The following CNNM4 variants were observed in gnomAD, a reference collection of about 807,000 sequenced individuals.
The protein encoded by CNNM4 is metal transporter CNNM4.
A neutral mutation model predicts 53.7 loss-of-function variants in CNNM4; 32 were observed. That is an observed-to-expected ratio of 0.60 (90% confidence interval 0.45 to 0.80). The LOEUF (loss-of-function observed/expected upper bound fraction) is 0.80. Ranked by LOEUF, CNNM4 falls within the 30% of genes least tolerant of loss-of-function variation. CNNM4 has a pLI of 0.00. For synonymous variants in CNNM4, 410 were observed against 440.0 expected, an observed-to-expected ratio of 0.93 and a Z score of 0.85; for missense variants, 784 against 1,022.0, an observed-to-expected ratio of 0.77 and a Z score of 3.17.
intron 1 of CNNM4, among the ~76,000 whole-genome samples, chr2:96,783,051 T>C (rs1475548490): frequency 6.6e-6 from 1 of 152,060 alleles, no homozygotes; most frequent in Admixed American, 6.6e-5. Context: ...TTTTAAAAAT[T>C]ATAAATAAAA....
chr2:96,765,024 GTTTTTTTTTTTTTTTTTTTTTTTTTTTTT>G (rs1158502593), intron 1 of CNNM4, among the ~76,000 whole-genome samples: 3 of 41,518 alleles, frequency 7.2e-5, no homozygotes, highest in African/African-American at 2.6e-4. Context: ...GTTGGGAATG[GTTTTTTTTTTTTTTTTTTTTTTTTTTTTT>G]TTTTTTTTTT....
chr2:96,801,113 T>A lies in CNNM4; in HGVS notation c.1948+1465T>A, dbSNP rs747976423. 3 of 985,282 alleles carry A rather than the reference T, an allele frequency of 3.0e-6. No homozygotes were observed. Among genetic ancestry groups the A allele is most frequent in the Non-Finnish European group, 3.6e-6 (3 of 829,930 alleles). The allele number at this position is 985,282 out of a possible 1,614,324, so 61.0% of individuals were successfully genotyped here. On this transcript the variant is annotated intron_variant, in intron 5 of 6. Coordinates refer to ENST00000377075, the MANE Select transcript of CNNM4 (RefSeq NM_020184.4). This position sits in a 1 kb window ranked among gnomAD's most constrained non-coding sequence, Gnocchi z 5.6. ...CGGGTGTCCGCCTGGCAAGCGGAACTCCCTGCTCTGCTGGCTCACAGGTAA... is the reference window on the plus strand; with the variant it reads ...CGGGTGTCCGCCTGGCAAGCGGAACACCCTGCTCTGCTGGCTCACAGGTAA...
At chr2:96,783,287 G>A (rs894743272) in intron 1 of CNNM4, among the ~76,000 whole-genome samples, 1 of 152,318 alleles carries the variant, frequency 6.6e-6, no homozygotes, top group African/African-American at 2.4e-5. Context: ...GCAGTTCCAG[G>A]AGAAAATGCC....
chr2:96,775,680 A>G (rs1031835977), intron 1 of CNNM4, among the ~76,000 whole-genome samples: 114 of 152,224 alleles, frequency 7.5e-4, no homozygotes, highest in African/African-American at 2.7e-3. Context: ...TGTGTGTTTA[A>G]TGTTTGCCAT....
chr2:96,807,606 G>A (rs2153351511), intron 5 of CNNM4, among the ~76,000 whole-genome samples: 1 of 152,058 alleles, frequency 6.6e-6, no homozygotes, highest in East Asian at 1.9e-4. Context: ...GTGGTGTTGG[G>A]CACCTGTAAT....
chr2:96,793,506 A>G (rs915987578), intron 1 of CNNM4, among the ~76,000 whole-genome samples: 2 of 152,200 alleles, frequency 1.3e-5, no homozygotes, highest in African/African-American at 4.8e-5. Flanking sequence ...CTGTACACCT[A>G]CAAGGTGCCT....
intron 1 of CNNM4, among the ~76,000 whole-genome samples, chr2:96,787,477 T>G (rs2079025194): frequency 1.3e-5 from 2 of 152,228 alleles, no homozygotes; most frequent in South Asian, 4.1e-4. Context: ...GTTAGCCCAG[T>G]AACTTTCATT....
rs56997097 is a variant in CNNM4 at position 96,774,960 on chromosome 2, CAAAAAAAAAAAAAAAAAAAAAAAAA to C, written c.1402+12573_1402+12597del. 1.8e-3 allele frequency among the ~76,000 whole-genome samples: 31 copies of C among 17,692 alleles called. 1 individual carries two copies. The highest frequency in any genetic ancestry group is 0.015 in the Admixed American group (14 of 956). The allele number at this position is 17,692 out of a possible 152,430, so 11.6% of individuals were successfully genotyped here. ...TGGGAGACAGAGTGAGACTCCATCTCAAAAAAAAAAAAAAAAAAAAAAAAAAAAAAAAAAAAAAGCCAGAAGATTG... is the reference window on the plus strand; with the variant it reads ...TGGGAGACAGAGTGAGACTCCATCTCAAAAAAAAAAAAAGCCAGAAGATTG... On this transcript the variant is annotated intron_variant, in intron 1 of 6. Coordinates refer to ENST00000377075, the MANE Select transcript of CNNM4 (RefSeq NM_020184.4).
intron 5 of CNNM4, among the ~76,000 whole-genome samples, chr2:96,802,983 G>T (rs1198171209): frequency 1.3e-5 from 2 of 152,072 alleles, no homozygotes; most frequent in East Asian, 1.9e-4. Context: ...CACCCCAACT[G>T]CCCTAAAAAC....
rs1413720622 is a variant in CNNM4 at position 96,762,043 on chromosome 2, G to A, written c.1044G>A (p.Thr348=). ...REKLMEMLKV[T]EPYNDLVKEE... The stretch of plus-strand genomic sequence containing the variant: ...AGCTGATGGAGATGTTGAAGGTGAC[G>A]GAGCCCTATAATGACCTCGTGAAAG... The change falls in exon 1 of 7, where the codon ACG becomes ACA. Residue 348 remains threonine (T), a synonymous_variant. Coordinates refer to ENST00000377075, the MANE Select transcript of CNNM4 (RefSeq NM_020184.4). 3.1e-6 allele frequency: 5 copies of A among 1,613,964 alleles called. No individual in the cohort carries two copies. In the South Asian group the frequency reaches 3.3e-5, roughly 11 times the overall value.
intron 1 of CNNM4, among the ~76,000 whole-genome samples, chr2:96,795,856 A>T (rs1454279857): frequency 6.6e-6 from 1 of 151,470 alleles, no homozygotes; most frequent in Non-Finnish European, 1.5e-5. Context: ...TCTTGGCTGG[A>T]CCCTCTTGCC....
At chr2:96,792,451 C>A (rs1243682050) in intron 1 of CNNM4, among the ~76,000 whole-genome samples, 1 of 152,008 alleles carries the variant, frequency 6.6e-6, no homozygotes, top group African/African-American at 2.4e-5. Context: ...CTTCCCCGCT[C>A]CCCTTCCCCT....
chr2:96,766,612 T>G (rs961656154), intron 1 of CNNM4, among the ~76,000 whole-genome samples: 4 of 152,190 alleles, frequency 2.6e-5, no homozygotes, highest in Admixed American at 2.0e-4. Context: ...CACATTGCTC[T>G]CTAGCATCTA....
chr2:96,774,828 A>T (rs1309993349), intron 1 of CNNM4, among the ~76,000 whole-genome samples: 3 of 151,548 alleles, frequency 2.0e-5, no homozygotes, highest in Non-Finnish European at 4.4e-5. Context: ...GCTGGGTGTG[A>T]TGTGTGCCTG....
chr2:96,809,087 C>G (rs1007393250), intron 6 of CNNM4: 2 of 874,896 alleles, frequency 2.3e-6, no homozygotes, highest in African/African-American at 3.4e-5. Flanking sequence ...AGCGATTTGC[C>G]CGCCTCAGCC....
chr2:96,778,626 A>AT (rs1369744393), intron 1 of CNNM4, among the ~76,000 whole-genome samples: 136 of 151,168 alleles, frequency 9.0e-4, no homozygotes, highest in South Asian at 1.7e-3. Flanking sequence ...TGCCTTAAAA[A>AT]TTTTTTTTTA....
rs1011969048 is a variant in CNNM4 at position 96,810,089 on chromosome 2, C to T, written c.*572C>T. ...GCAAAGAACAAAATGGCATGGAGAT[C>T]AGCTGCCTGAGCACCTGCGCTGTAG... On this transcript the variant is annotated 3_prime_UTR_variant, in exon 7 of 7. Coordinates refer to ENST00000377075, the MANE Select transcript of CNNM4 (RefSeq NM_020184.4). The surrounding 1 kb of genome is among the most constrained non-coding windows in gnomAD (Gnocchi z 4.1). 1 of 153,460 alleles carries T rather than the reference C, an allele frequency of 6.5e-6. No homozygotes were observed. The highest frequency in any genetic ancestry group is 2.4e-5 in the African/African-American group (1 of 41,462). 9.5% of individuals were successfully genotyped at this position (153,460 alleles called of 1,614,324 possible). A position where few individuals can be genotyped will look rare whatever the true frequency, so the allele number is the denominator to read the frequency against.
At chr2:96,771,757 T>C (rs2078872039) in intron 1 of CNNM4, among the ~76,000 whole-genome samples, 1 of 152,132 alleles carries the variant, frequency 6.6e-6, no homozygotes, top group South Asian at 2.1e-4. Flanking sequence ...TCCTTGCTTT[T>C]TGGAACACAG....
intron 1 of CNNM4, among the ~76,000 whole-genome samples, chr2:96,792,569 G>A (rs1205533983): frequency 6.6e-6 from 1 of 151,930 alleles, no homozygotes; most frequent in East Asian, 1.9e-4. Context: ...CTGGGAGGCC[G>A]AGGAGGGTGG....
Sources: allele counts gnomAD v4.1 joint callset (sites outside exome capture counted in the v4.1 genomes callset), GRCh38; gene constraint gnomAD v4.1.1; non-coding constraint Gnocchi (gnomAD v3.1); transcripts MANE v1.5; gene names NCBI Gene and HGNC (gene_info 2026-07-23, HGNC 2026-07-21).